The following ADGRB3 variants were observed in gnomAD, a reference collection of about 807,000 sequenced individuals.
ADGRB3 encodes the protein brain-specific angiogenesis inhibitor 3.
A neutral mutation model predicts 193.4 loss-of-function variants in ADGRB3; 37 were observed. That is an observed-to-expected ratio of 0.19 (90% CI 0.15 to 0.25). The LOEUF (loss-of-function observed/expected upper bound fraction) is 0.25, where lower values mean the gene tolerates loss of function less well. Among genes scored for constraint, ADGRB3 ranks in the 10% least tolerant of loss-of-function variants. The probability of loss-of-function intolerance (pLI) is 1.00; values close to 1 mark genes in which losing one functional copy is unlikely to be tolerated. For missense variants in ADGRB3, 1,637 were observed against 1,852.9 expected, an observed-to-expected ratio of 0.88 and a Z score of 2.14; for synonymous variants, 690 against 644.2, an observed-to-expected ratio of 1.07 and a Z score of -1.08.
chr6:69,277,995 G>A (rs1162523639), intron 20 of ADGRB3, among the ~76,000 whole-genome samples: 1 of 152,184 alleles, frequency 6.6e-6, no homozygotes, highest in Non-Finnish European at 1.5e-5. Flanking sequence ...ACCGTGAATA[G>A]TGTTCTGAGC....
At chr6:68,903,765 G>C (rs532951801) in intron 3 of ADGRB3, among the ~76,000 whole-genome samples, 1 of 151,902 alleles carries the variant, frequency 6.6e-6, no homozygotes, top group Admixed American at 6.6e-5. Context: ...CCATCGCTTT[G>C]AGTGGGAAGC....
intron 3 of ADGRB3, among the ~76,000 whole-genome samples, chr6:68,799,963 C>A (rs1391624415): frequency 2.0e-5 from 3 of 152,090 alleles, no homozygotes; most frequent in South Asian, 2.1e-4. Flanking sequence ...GAGATGGAAA[C>A]CCTGATAAGT....
At chr6:69,190,768 A>G (rs1461365638) in intron 17 of ADGRB3, among the ~76,000 whole-genome samples, 1 of 152,106 alleles carries the variant, frequency 6.6e-6, no homozygotes, top group African/African-American at 2.4e-5. Context: ...ATTGCTCAAT[A>G]TATGTGTACT....
chr6:69,293,219 A>G (rs1767730604), intron 20 of ADGRB3, among the ~76,000 whole-genome samples: 1 of 152,164 alleles, frequency 6.6e-6, no homozygotes, highest in Non-Finnish European at 1.5e-5. Flanking sequence ...ATTTTGATAA[A>G]CATTTTTATA....
intron 17 of ADGRB3, among the ~76,000 whole-genome samples, chr6:69,125,395 C>G (rs975544019): frequency 1.3e-5 from 2 of 152,132 alleles, no homozygotes; most frequent in African/African-American, 4.8e-5. Context: ...AAATCTCACC[C>G]CTCAAGCTGA....
chr6:68,813,777 A>G (rs1301408640), intron 3 of ADGRB3, among the ~76,000 whole-genome samples: 2 of 151,924 alleles, frequency 1.3e-5, no homozygotes, highest in African/African-American at 4.8e-5. Context: ...TCATTGTTCG[A>G]TTCCCACCTG....
At chr6:69,007,693 T>TCACA (rs764934080) in intron 11 of ADGRB3, among the ~76,000 whole-genome samples, 104 of 90,162 alleles carry the variant, frequency 1.2e-3, no homozygotes, top group Admixed American at 3.9e-3. Context: ...TCTCTCTCTC[T>TCACA]CACACACACA....
intron 20 of ADGRB3, among the ~76,000 whole-genome samples, chr6:69,297,364 C>A (rs1013389017): frequency 8.2e-6 from 1 of 121,830 alleles, no homozygotes; most frequent in Non-Finnish European, 1.7e-5. Flanking sequence ...CTCTCTCTCT[C>A]TCTTTCTCTC....
chr6:68,860,439 A>G (rs1437696686), intron 3 of ADGRB3, among the ~76,000 whole-genome samples: 2 of 152,246 alleles, frequency 1.3e-5, no homozygotes, highest in East Asian at 3.9e-4. Flanking sequence ...CTCTAAGTAC[A>G]TGTGTTCTCA....
intron 17 of ADGRB3, among the ~76,000 whole-genome samples, chr6:69,080,328 T>C (rs565988421): frequency 1.8e-4 from 28 of 152,182 alleles, no homozygotes; most frequent in African/African-American, 5.5e-4. Context: ...TAAATACTTA[T>C]ACAAAGTGTT....
At chr6:68,784,248 TA>T (rs1427075409) in intron 3 of ADGRB3, among the ~76,000 whole-genome samples, 1 of 152,118 alleles carries the variant, frequency 6.6e-6, no homozygotes, top group Non-Finnish European at 1.5e-5. Context: ...GTAAGTCTAC[TA>T]AATGGCAGAG....
chr6:69,034,612 ATATATT>A lies in ADGRB3; in HGVS notation c.2108-13567_2108-13562del, dbSNP rs1562130558. On this transcript the variant is annotated intron_variant, in intron 13 of 31. Transcript: ENST00000370598. ...TTATAGCTATATATAAATTATAACT[ATATATT>A]TATATAGCTATAAATATATAACTAT... is the stretch of plus-strand genomic sequence containing the variant. Among the ~76,000 whole-genome samples, 5 of 148,382 alleles carry A rather than the reference ATATATT, an allele frequency of 3.4e-5. No individual in the cohort carries two copies. The South Asian group carries it at 6.3e-4, about 19-fold the overall frequency.
chr6:68,898,197 G>A (rs1206156153), intron 3 of ADGRB3, among the ~76,000 whole-genome samples: 1 of 151,916 alleles, frequency 6.6e-6, no homozygotes, highest in Non-Finnish European at 1.5e-5. Context: ...GGCCACTGGT[G>A]TAAGTCTGGA....
intron 20 of ADGRB3, among the ~76,000 whole-genome samples, chr6:69,306,518 C>A (rs1362782959): frequency 3.3e-5 from 5 of 151,408 alleles, no homozygotes; most frequent in Admixed American, 2.6e-4. Context: ...TCTTGGGAAG[C>A]TTACATAAAG....
intron 17 of ADGRB3, among the ~76,000 whole-genome samples, chr6:69,190,983 A>G (rs552658358): frequency 6.6e-6 from 1 of 152,314 alleles, no homozygotes; most frequent in South Asian, 2.1e-4. Flanking sequence ...GGTTTGTGCT[A>G]CAAAATTGCC....
intron 3 of ADGRB3, among the ~76,000 whole-genome samples, chr6:68,767,338 C>T (rs1359725179): frequency 6.6e-6 from 1 of 152,122 alleles, no homozygotes; most frequent in Non-Finnish European, 1.5e-5. Flanking sequence ...AAAGCTTATC[C>T]ACCATGATCA....
chr6:69,357,456 A>G (rs1769359802), intron 28 of ADGRB3, among the ~76,000 whole-genome samples: 1 of 152,004 alleles, frequency 6.6e-6, no homozygotes, highest in Non-Finnish European at 1.5e-5. Flanking sequence ...TAAAAGTTTT[A>G]TAAGACTACC....
chr6:68,779,464 G>C (rs1020512347), intron 3 of ADGRB3, among the ~76,000 whole-genome samples: 4 of 151,996 alleles, frequency 2.6e-5, no homozygotes, highest in African/African-American at 9.7e-5. Context: ...GTTACAGACA[G>C]AGATTATGTA....
At chr6:69,019,062 C>T (rs538045920) in intron 13 of ADGRB3, among the ~76,000 whole-genome samples, 6 of 152,008 alleles carry the variant, frequency 3.9e-5, no homozygotes, top group Non-Finnish European at 7.4e-5. Flanking sequence ...TCTCTCAGGT[C>T]CCTCTGTAGT....
Sources: gnomAD v4.1 joint callset for allele counts (sites outside exome capture counted in the v4.1 genomes callset) on GRCh38, gnomAD v4.1.1 for gene constraint, MANE v1.5 for transcripts, NCBI Gene and HGNC (gene_info 2026-07-23, HGNC 2026-07-21) for gene names.